The following OR1A1 variants were observed in gnomAD, a reference collection of about 807,000 sequenced individuals.
OR1A1 encodes olfactory receptor 1A1.
For synonymous variants in OR1A1, 145 were observed against 147.8 expected, an observed-to-expected ratio of 0.98 and a Z score of 0.13; for missense variants, 391 against 379.9, an observed-to-expected ratio of 1.03 and a Z score of -0.24.
chr17:3,210,047 A>C (rs2048433775), intron 2 of OR1A1, among the ~76,000 whole-genome samples: 1 of 146,070 alleles, frequency 6.8e-6, no homozygotes, highest in African/African-American at 2.4e-5. Flanking sequence ...TAACTATTGC[A>C]TAGGATTCAC....
In OR1A1 at chr17:3,215,786, C is replaced by A; in HGVS notation, c.166C>A (p.His56Asn). 1 of 1,614,136 alleles carries A rather than the reference C, an allele frequency of 6.2e-7. No individual in the cohort carries two copies. Among genetic ancestry groups the A allele is most frequent in the Middle Eastern group, 1.7e-4 (1 of 6,060 alleles). Reference protein sequence around the residue: ...VLAICSDVRLHNPMYFLLANL... With the variant: ...VLAICSDVRLNNPMYFLLANL... ...AGCCATTTGCTCTGATGTTCGCCTT[C>A]ACAACCCCATGTATTTTCTCCTTGC... is the stretch of plus-strand genomic sequence containing the variant. Residue 56 changes from histidine (H) to asparagine (N), a missense_variant, in exon 4 of 4, where the codon CAC (histidine) becomes AAC (asparagine). By Grantham distance (68) the His-to-Asn change is moderately conservative (BLOSUM62 1). Coordinates refer to ENST00000641732, the MANE Select transcript of OR1A1 (RefSeq NM_014565.3).
At position 3,216,002 on chromosome 17, in the gene OR1A1, C is replaced by T. The variant is rs148660594; in HGVS notation, c.382C>T (p.Arg128Cys). Residue 128 changes from arginine to cysteine, a missense_variant, in exon 4 of 4, where the codon CGC (arginine) becomes TGC (cysteine). Arg to Cys is a radical substitution (Grantham distance 180). Coordinates refer to ENST00000641732, the MANE Select transcript of OR1A1 (RefSeq NM_014565.3). ...MAYDRAVAISRPLHYTTIMSP... is the reference protein window; with the variant it reads ...MAYDRAVAISCPLHYTTIMSP... ...ATATGATCGAGCTGTGGCCATCAGC[C>T]GCCCACTTCACTACACAACAATTAT... 4.8e-5 allele frequency: 77 copies of T among 1,613,966 alleles called. No individual in the cohort carries two copies. The Middle Eastern group carries it at 8.2e-4, about 17-fold the overall frequency.
intron 2 of OR1A1, among the ~76,000 whole-genome samples, chr17:3,209,447 A>T (rs2048430176): frequency 6.6e-6 from 1 of 151,894 alleles, no homozygotes; most frequent in Admixed American, 6.6e-5. Flanking sequence ...ACGCAGCAAA[A>T]CCCTGTCTCT....
At chr17:3,210,148 CTTT>C (rs1036497902) in intron 2 of OR1A1, among the ~76,000 whole-genome samples, 35 of 124,542 alleles carry the variant, frequency 2.8e-4, no homozygotes, top group African/African-American at 9.4e-4. Flanking sequence ...TGCCCGTCTT[CTTT>C]TTTCTTTTCC....
intron 3 of OR1A1, chr17:3,213,452 G>A (rs1205487877): frequency 6.6e-6 from 1 of 152,202 alleles, no homozygotes; most frequent in Non-Finnish European, 1.5e-5. Context: ...ATGCTGAGAA[G>A]TGAGGATTGA....
chr17:3,209,496 A>G (rs928294256), intron 2 of OR1A1, among the ~76,000 whole-genome samples: 1 of 152,142 alleles, frequency 6.6e-6, no homozygotes, highest in Non-Finnish European at 1.5e-5. Flanking sequence ...TATTTTTAAA[A>G]AATTTTTGTG....
At chr17:3,210,998 C>T (rs1321481525) in intron 2 of OR1A1, among the ~76,000 whole-genome samples, 16 of 152,188 alleles carry the variant, frequency 1.1e-4, no homozygotes, top group East Asian at 1.9e-4. Context: ...AATTTTTTGA[C>T]GTTTTGCTTT....
chr17:3,216,806 G>C lies in OR1A1; in HGVS notation c.*256G>C. 2.7e-6 allele frequency: 1 copy of C among 371,428 alleles called. No individual in the cohort carries two copies. The highest frequency in any genetic ancestry group is 4.9e-6 in the Non-Finnish European group (1 of 206,088). The allele number at this position is 371,428 out of a possible 1,614,324, so 23.0% of individuals were successfully genotyped here. ...CATATGTCCTGATGAGCAGAGTCAA[G>C]TTGGGAAGATCTGAGCCTCAGCTTT... On this transcript the variant is annotated 3_prime_UTR_variant, in exon 4 of 4. Transcript: ENST00000641732.
chr17:3,210,011 A>T (rs180948079), intron 2 of OR1A1, among the ~76,000 whole-genome samples: 2 of 152,182 alleles, frequency 1.3e-5, no homozygotes, highest in East Asian at 3.9e-4. Context: ...TTTCTTCCCT[A>T]ATTTACCCCA....
Position 3,217,115 on chromosome 17 carries a change from G to A in OR1A1, c.*565G>A, listed in dbSNP as rs9303162. On this transcript the variant is annotated 3_prime_UTR_variant, in exon 4 of 4. Transcript: ENST00000641732. ...ATCTGAAACGTAATATTATAATTAG[G>A]GATAATCAAACCAGACATTATTTTC... is the stretch of plus-strand genomic sequence containing the variant. 0.87 allele frequency: 132,881 copies of A among 152,206 alleles called. 58,351 individuals carry two copies. The highest frequency in any genetic ancestry group is 0.92 in the Non-Finnish European group (62,488 of 68,044). 9.4% of individuals were successfully genotyped at this position (152,206 alleles called of 1,614,324 possible).
At chr17:3,213,170 T>C (rs72826735) in intron 3 of OR1A1, 84,647 of 152,046 alleles carry the variant, frequency 0.56, 24,036 homozygotes, top group African/African-American at 0.62. Context: ...GGTAGCCCTT[T>C]CCTATTGGCA....
At chr17:3,215,023 CCT>C in intron 3 of OR1A1, 5 of 153,676 alleles carry the variant, frequency 3.3e-5, no homozygotes, top group Non-Finnish European at 7.2e-5. Context: ...CATGTTACCT[CCT>C]GGGCTCTGGG....
intron 3 of OR1A1, chr17:3,213,930 C>A (rs753032827): frequency 6.6e-6 from 1 of 152,098 alleles, no homozygotes; most frequent in Non-Finnish European, 1.5e-5. Flanking sequence ...GAGTACAAGA[C>A]GGATCAAAGA....
rs1195485340 is a variant in OR1A1 at position 3,207,781 on chromosome 17, T to C, written c.-776T>C. 6.6e-6 allele frequency: 1 copy of C among 152,258 alleles called. No individual in the cohort carries two copies. Among genetic ancestry groups the C allele is most frequent in the Non-Finnish European group, 1.5e-5 (1 of 68,068 alleles). 9.4% of individuals were successfully genotyped at this position (152,258 alleles called of 1,614,324 possible). On this transcript the variant is annotated 5_prime_UTR_variant, in exon 1 of 4. Coordinates refer to ENST00000641732, the MANE Select transcript of OR1A1 (RefSeq NM_014565.3). ...GATTGTTCCCCATCCTGCCACTGCT[T>C]CTCCAGCATGGCTGCCCTCAAACGG...
In OR1A1 at chr17:3,216,110, G is replaced by C; in HGVS notation, c.490G>C (p.Ala164Pro). 2.5e-6 allele frequency: 4 copies of C among 1,614,144 alleles called. No individual in the cohort carries two copies. Among genetic ancestry groups the C allele is most frequent in the Non-Finnish European group, 3.4e-6 (4 of 1,180,014 alleles). Residue 164 changes from alanine (A) to proline (P), a missense_variant, in exon 4 of 4, where the codon GCT (alanine) becomes CCT (proline). Ala to Pro is a conservative substitution (Grantham distance 27). Coordinates refer to ENST00000641732, the MANE Select transcript of OR1A1 (RefSeq NM_014565.3). The stretch of plus-strand genomic sequence containing the variant: ...TGCCCTCCCCCACACTCTGCTCACA[G>C]CTAGTCTGTCCTTCTGTGGCAACCA... ...ANALPHTLLT[A>P]SLSFCGNQEV... is the part of the protein sequence containing the mutation.
Position 3,210,876 on chromosome 17 carries a change from G to T in OR1A1, c.-138-1591G>T, listed in dbSNP as rs1160056324. Among the ~76,000 whole-genome samples, 10 of 152,276 alleles carry T rather than the reference G, an allele frequency of 6.6e-5. No individual in the cohort carries two copies. The East Asian group carries it at 1.5e-3, about 23-fold the overall frequency. ...CCGCCTCAGCCTCCCAAAGTGCTGG[G>T]ATTACAGGTGTGAGCCACCGTGCCT... is the stretch of plus-strand genomic sequence containing the variant. On this transcript the variant is annotated intron_variant, in intron 2 of 3. Coordinates refer to ENST00000641732, the MANE Select transcript of OR1A1 (RefSeq NM_014565.3).
chr17:3,213,727 A>C (rs999946651), intron 3 of OR1A1: 1 of 152,186 alleles, frequency 6.6e-6, no homozygotes, highest in Non-Finnish European at 1.5e-5. Context: ...ATTTGCATCC[A>C]ACTGGCACAA....
In OR1A1 at chr17:3,215,985, G is replaced by A. The variant is rs567237017; in HGVS notation, c.365G>A (p.Arg122Gln). The change falls in exon 4 of 4, where the codon CGA (arginine) becomes CAA (glutamine). Residue 122 changes from arginine (R) to glutamine (Q), a missense_variant. By Grantham distance (43) the Arg-to-Gln change is conservative. Coordinates refer to ENST00000641732, the MANE Select transcript of OR1A1 (RefSeq NM_014565.3). ...SYILAAMAYD[R>Q]AVAISRPLHY... Reference sequence around the variant, plus strand: ...ATTTTGGCTGCAATGGCATATGATCGAGCTGTGGCCATCAGCCGCCCACTT... The same window carrying A: ...ATTTTGGCTGCAATGGCATATGATCAAGCTGTGGCCATCAGCCGCCCACTT... The A allele has an allele frequency of 8.1e-6, 13 of 1,614,068 alleles. No homozygotes were observed. The highest frequency in any genetic ancestry group is 4.0e-5 in the African/African-American group (3 of 74,968).
In OR1A1 at chr17:3,217,448, A is replaced by G. The variant is rs2048475747; in HGVS notation, c.*898A>G. 1 of 152,192 alleles carries G rather than the reference A, an allele frequency of 6.6e-6. No individual in the cohort carries two copies. Among genetic ancestry groups the G allele is most frequent in the Non-Finnish European group, 1.5e-5 (1 of 68,032 alleles). 9.4% of individuals were successfully genotyped at this position (152,192 alleles called of 1,614,324 possible). A position where few individuals can be genotyped will look rare whatever the true frequency, so the allele number is the denominator to read the frequency against. On this transcript the variant is annotated 3_prime_UTR_variant, in exon 4 of 4. Coordinates refer to ENST00000641732, the MANE Select transcript of OR1A1 (RefSeq NM_014565.3). The stretch of plus-strand genomic sequence containing the variant: ...ACTTCTTTAAATTTCGTATGGAACT[A>G]AAAAAGAGCCCGTATATCCAAGACA...
Sources: allele counts gnomAD v4.1 joint callset (sites outside exome capture counted in the v4.1 genomes callset), GRCh38; gene constraint gnomAD v4.1.1; transcripts MANE v1.5; gene names NCBI Gene and HGNC (gene_info 2026-07-23, HGNC 2026-07-21).